The following CSMD1 variants were observed in gnomAD, a reference collection of about 807,000 sequenced individuals.
The protein encoded by CSMD1 is CUB and Sushi multiple domains 1, also known as CUB and sushi domain-containing protein 1.
In CSMD1, 213 loss-of-function variants were observed where a neutral mutation model predicts 417.5. The observed-to-expected ratio is 0.51, with a 90% CI of 0.46 to 0.57. CSMD1 has a LOEUF of 0.57. Among genes scored for constraint, CSMD1 ranks in the 20% least tolerant of loss-of-function variants. The pLI is 0.00. For missense variants in CSMD1, 6,923 were observed against 4,529.7 expected (o/e 1.53, Z -15.17); for synonymous variants, 2,862 against 1,736.8 (o/e 1.65, Z -16.11).
chr8:4,931,879 T>G (rs772314326), intron 1 of CSMD1, among the ~76,000 whole-genome samples: 6 of 152,210 alleles, frequency 3.9e-5, no homozygotes, highest in Admixed American at 2.0e-4. Context: ...GTTTATTGAT[T>G]GTTATATGGA....
intron 2 of CSMD1, among the ~76,000 whole-genome samples, chr8:4,448,581 T>A (rs1234301158): frequency 6.6e-6 from 1 of 152,228 alleles, no homozygotes; most frequent in South Asian, 2.1e-4. Flanking sequence ...CTTCCTGTAT[T>A]GTGCAATTTT....
intron 2 of CSMD1, among the ~76,000 whole-genome samples, chr8:4,467,120 A>C (rs1306983294): frequency 2.2e-5 from 3 of 134,194 alleles, no homozygotes; most frequent in Non-Finnish European, 4.9e-5. Flanking sequence ...GATTCTTCAG[A>C]GTAAAAAAAA....
At chr8:3,998,957 T>C (rs970870932) in intron 4 of CSMD1, among the ~76,000 whole-genome samples, 4 of 148,722 alleles carry the variant, frequency 2.7e-5, no homozygotes, top group African/African-American at 7.3e-5. Context: ...ACAAACTATA[T>C]GGTAGTTTAT....
Position 3,688,552 on chromosome 8 carries a change from T to C in CSMD1, c.1009+19862A>G, listed in dbSNP as rs1481707. ...ATGTGCAAAACTTAACTACAATGCA[T>C]GTGCTTAATAAATGTTAGCAATGCT... On this transcript the variant is annotated intron_variant, in intron 7 of 69. Coordinates refer to ENST00000635120, the MANE Select transcript of CSMD1 (RefSeq NM_033225.6). Among the ~76,000 whole-genome samples the C allele has an allele frequency of 3.1e-3, 476 of 152,358 alleles. 6 individuals are homozygous for C. The highest frequency in any genetic ancestry group is 0.011 in the African/African-American group (452 of 41,576).
chr8:3,238,600 A>G (rs1799301099), intron 26 of CSMD1, among the ~76,000 whole-genome samples: 1 of 151,904 alleles, frequency 6.6e-6, no homozygotes, highest in Non-Finnish European at 1.5e-5. Flanking sequence ...GTAAGGGGTG[A>G]TATTGTGGGG....
chr8:3,005,751 A>C (rs1807834757), intron 52 of CSMD1, among the ~76,000 whole-genome samples: 1 of 152,308 alleles, frequency 6.6e-6, no homozygotes, highest in South Asian at 2.1e-4. Context: ...TCAATAAATT[A>C]GGTATTGATG....
intron 31 of CSMD1, among the ~76,000 whole-genome samples, chr8:3,204,706 G>A (rs535621624): frequency 9.9e-5 from 15 of 152,274 alleles, no homozygotes; most frequent in African/African-American, 3.6e-4. Context: ...TCTAACATTA[G>A]AATTTTTACC....
Position 3,018,785 on chromosome 8 carries a change from G to A in CSMD1, c.7856-135C>T. On this transcript the variant is annotated intron_variant, in intron 51 of 69. Transcript: ENST00000635120. ...CTTAATTTTCACTAAGAACATGGTT[G>A]AGAGTGTCTGCTTAGGGCTGGATAG... 4 of 763,342 alleles carry A rather than the reference G, an allele frequency of 5.2e-6. No individual in the cohort carries two copies. The South Asian group carries it at 7.7e-5, about 15-fold the overall frequency. The allele number at this position is 763,342 out of a possible 1,614,324, so 47.3% of individuals were successfully genotyped here. A position where few individuals can be genotyped will look rare whatever the true frequency, so the allele number is the denominator to read the frequency against.
At chr8:3,530,439 A>T (rs1450616468) in intron 10 of CSMD1, among the ~76,000 whole-genome samples, 1 of 152,160 alleles carries the variant, frequency 6.6e-6, no homozygotes, top group Non-Finnish European at 1.5e-5. Flanking sequence ...TGTGTTGTTT[A>T]ACTTCCACAT....
At chr8:4,052,564 G>A (rs1368887110) in intron 3 of CSMD1, among the ~76,000 whole-genome samples, 1 of 152,074 alleles carries the variant, frequency 6.6e-6, no homozygotes, top group Non-Finnish European at 1.5e-5. Context: ...GAAGCAAGCT[G>A]AGAAAATCAC....
intron 65 of CSMD1, among the ~76,000 whole-genome samples, chr8:2,953,031 T>C (rs972440719): frequency 1.3e-5 from 2 of 152,150 alleles, no homozygotes; most frequent in African/African-American, 4.8e-5. Context: ...AAAAGGAATA[T>C]TGATAATAAT....
intron 4 of CSMD1, among the ~76,000 whole-genome samples, chr8:4,015,571 T>C (rs1477200689): frequency 1.3e-5 from 2 of 151,732 alleles, no homozygotes; most frequent in Non-Finnish European, 2.9e-5. Context: ...GCTACTGCTA[T>C]GTTATTTAGT....
chr8:4,432,241 A>C (rs918749012), intron 2 of CSMD1, among the ~76,000 whole-genome samples: 1 of 152,236 alleles, frequency 6.6e-6, no homozygotes, highest in Admixed American at 6.5e-5. Context: ...ATGAGAAAAC[A>C]GTAAACTCAC....
chr8:4,370,262 C>T (rs11986849), intron 3 of CSMD1, among the ~76,000 whole-genome samples: 3 of 152,128 alleles, frequency 2.0e-5, no homozygotes, highest in African/African-American at 4.8e-5. Flanking sequence ...ATATTCAATA[C>T]AGGCTCCCAG....
intron 5 of CSMD1, among the ~76,000 whole-genome samples, chr8:3,778,670 C>G (rs1033178549): frequency 6.6e-6 from 1 of 152,210 alleles, no homozygotes; most frequent in African/African-American, 2.4e-5. Flanking sequence ...TGGACCAGAG[C>G]TTCCTGCAGT....
intron 1 of CSMD1, among the ~76,000 whole-genome samples, chr8:4,764,367 C>A (rs371136480): frequency 6.6e-6 from 1 of 152,106 alleles, no homozygotes; most frequent in Non-Finnish European, 1.5e-5. Context: ...CACAAAGGAG[C>A]AATCATGAGA....
intron 3 of CSMD1, among the ~76,000 whole-genome samples, chr8:4,126,762 CTT>C (rs1457402721): frequency 6.6e-6 from 1 of 152,196 alleles, no homozygotes; most frequent in African/African-American, 2.4e-5. Context: ...ACATACAACT[CTT>C]TTCTCATAGA....
intron 11 of CSMD1, among the ~76,000 whole-genome samples, chr8:3,480,551 T>G (rs1817684686): frequency 6.6e-6 from 1 of 152,134 alleles, no homozygotes; most frequent in African/African-American, 2.4e-5. Flanking sequence ...CTTACCAAAT[T>G]TGGCAAAACA....
At chr8:3,197,615 G>T (rs1154036) in intron 33 of CSMD1, among the ~76,000 whole-genome samples, 1 of 137,142 alleles carries the variant, frequency 7.3e-6, no homozygotes, top group Non-Finnish European at 1.6e-5. Flanking sequence ...ACAGGTGCCC[G>T]CCACCACGCC....
Sources: gnomAD v4.1 joint callset for allele counts (sites outside exome capture counted in the v4.1 genomes callset) on GRCh38, gnomAD v4.1.1 for gene constraint, MANE v1.5 for transcripts, NCBI Gene and HGNC (gene_info 2026-07-23, HGNC 2026-07-21) for gene names.